The following ATAD2B variants were observed in gnomAD, a reference collection of about 807,000 sequenced individuals.
ATAD2B encodes ATPase family AAA domain-containing protein 2B.
A neutral mutation model predicts 167.6 loss-of-function variants in ATAD2B; 40 were observed. That is an observed-to-expected ratio of 0.24 (90% CI 0.19 to 0.31). The LOEUF is 0.31. ATAD2B is among the 10% of genes least tolerant of loss of function. The pLI is 1.00. For synonymous variants in ATAD2B, 579 were observed against 596.5 expected (o/e 0.97, Z 0.43); for missense variants, 1,242 against 1,757.2 (o/e 0.71, Z 5.24).
chr2:23,698,024 T>C, the ATAD2B span: 13 of 152,334 alleles, frequency 8.5e-5, no homozygotes, highest in African/African-American at 2.9e-4. Context: ...TGTTGATAAA[T>C]ATAGGGATTT....
At chr2:23,882,517 A>AG (rs1479908530) in intron 6 of ATAD2B, among the ~76,000 whole-genome samples, 2 of 150,920 alleles carry the variant, frequency 1.3e-5, no homozygotes, top group Non-Finnish European at 3.0e-5. Context: ...AAAAAAAAAA[A>AG]AAAAAAAAAG....
At chr2:23,680,086 T>C in the ATAD2B span, among the ~76,000 whole-genome samples, 2 of 151,904 alleles carry the variant, frequency 1.3e-5, no homozygotes, top group African/African-American at 4.8e-5. The surrounding 1 kb of genome is among the most constrained non-coding windows in gnomAD (Gnocchi z 4.1). Context: ...AGTGTGGAGG[T>C]GGCCTGGAGG....
intron 1 of ATAD2B, among the ~76,000 whole-genome samples, chr2:23,923,286 C>G (rs77048033): frequency 0.011 from 1,653 of 152,242 alleles, 12 homozygotes; most frequent in South Asian, 0.018. Context: ...CACTTATCTG[C>G]TAGTTTAGTG....
chr2:23,864,740 C>T (rs2150049766), intron 11 of ATAD2B, 69 bp downstream of exon 11: 1 of 650,500 alleles, frequency 1.5e-6, no homozygotes. Flanking sequence ...ATATTTATAG[C>T]AATTTACTCA....
intron 22 of ATAD2B, among the ~76,000 whole-genome samples, chr2:23,781,748 T>TC (rs1198743194): frequency 1.3e-5 from 2 of 151,914 alleles, no homozygotes; most frequent in Non-Finnish European, 2.9e-5. Context: ...TTTTTTTTTT[T>TC]CTTGTCTTTC....
intron 8 of ATAD2B, among the ~76,000 whole-genome samples, chr2:23,871,655 C>T (rs1695991920): frequency 6.6e-6 from 1 of 152,164 alleles, no homozygotes; most frequent in South Asian, 2.1e-4. Flanking sequence ...AAGCTGCAAT[C>T]ATTGTCAGTA....
At chr2:23,898,412 C>T (rs114118653) in intron 1 of ATAD2B, among the ~76,000 whole-genome samples, 5,893 of 152,304 alleles carry the variant, frequency 0.039, 110 homozygotes, top group South Asian at 0.046. Context: ...AACAAATTGC[C>T]AATTAGAAAA....
chr2:23,797,093 G>A (rs1174997024), intron 19 of ATAD2B, among the ~76,000 whole-genome samples: 3 of 151,984 alleles, frequency 2.0e-5, no homozygotes, highest in Admixed American at 1.3e-4. Context: ...ATTTTAGCAA[G>A]ATAACTAATG....
At chr2:23,925,624 T>A (rs1704639119) in intron 1 of ATAD2B, among the ~76,000 whole-genome samples, 1 of 152,172 alleles carries the variant, frequency 6.6e-6, no homozygotes, top group African/African-American at 2.4e-5. Flanking sequence ...AAAACAAACG[T>A]GTCAATTCCT....
the ATAD2B span, chr2:23,695,812 C>T: frequency 6.5e-7 from 1 of 1,549,104 alleles, no homozygotes; most frequent in Admixed American, 2.0e-5. The surrounding 1 kb of genome is among the most constrained non-coding windows in gnomAD (Gnocchi z 7.6). Context: ...CCGGCCGCGC[C>T]TCTCTGCAGG....
chr2:23,701,845 G>T, the ATAD2B span, among the ~76,000 whole-genome samples: 3 of 137,670 alleles, frequency 2.2e-5, no homozygotes, highest in African/African-American at 8.2e-5. Context: ...TCGTTGCCCA[G>T]GCTGGAGTGC....
intron 13 of ATAD2B, among the ~76,000 whole-genome samples, chr2:23,849,464 A>C (rs1692216991): frequency 6.6e-6 from 1 of 152,246 alleles, no homozygotes; most frequent in African/African-American, 2.4e-5. Context: ...TAAAGGGACA[A>C]AGAATTCATT....
intron 24 of ATAD2B, among the ~76,000 whole-genome samples, chr2:23,761,152 C>G (rs1231951173): frequency 1.3e-5 from 2 of 152,198 alleles, no homozygotes; most frequent in East Asian, 3.8e-4. Flanking sequence ...AAGTCATGAT[C>G]TGAAATACAA....
At position 23,926,976 on chromosome 2, in the gene ATAD2B, G is replaced by C. The variant is rs1335250494; in HGVS notation, c.-206C>G. On this transcript the variant is annotated 5_prime_UTR_variant, in exon 1 of 28. Coordinates refer to ENST00000238789, the MANE Select transcript of ATAD2B (RefSeq NM_017552.4). ...AGCAGGCGGCGTGCGGGAAGCGGGG[G>C]CGGTGCTGCAGACCGGCAGCACAGA... 5.1e-6 allele frequency: 3 copies of C among 591,266 alleles called. No homozygotes were observed. The African/African-American group carries it at 6.0e-5, about 12-fold the overall frequency. The allele number at this position is 591,266 out of a possible 1,614,324, so 36.6% of individuals were successfully genotyped here.
chr2:23,815,020 C>T (rs1020460161), intron 17 of ATAD2B, among the ~76,000 whole-genome samples: 2 of 148,140 alleles, frequency 1.4e-5, no homozygotes, highest in Admixed American at 6.8e-5. Context: ...CACACCATTG[C>T]ACTCCAGCCT....
At chr2:23,772,520 G>A (rs1337339907) in intron 22 of ATAD2B, among the ~76,000 whole-genome samples, 2 of 151,994 alleles carry the variant, frequency 1.3e-5, no homozygotes, top group Non-Finnish European at 2.9e-5. Flanking sequence ...TAAATCTAAA[G>A]GTATGGATCT....
At chr2:23,894,593 A>G (rs191751032) in intron 2 of ATAD2B, among the ~76,000 whole-genome samples, 75 of 152,314 alleles carry the variant, frequency 4.9e-4, no homozygotes, top group Middle Eastern at 6.8e-3. Flanking sequence ...ATCATCTTAA[A>G]AGCCCAATTT....
chr2:23,691,736 A>G, the ATAD2B span: 1 of 1,551,828 alleles, frequency 6.4e-7, no homozygotes, highest in Non-Finnish European at 8.7e-7. Context: ...TCGAACCTGC[A>G]GGCAGACGTC....
intron 23 of ATAD2B, among the ~76,000 whole-genome samples, chr2:23,763,798 C>T (rs1347852577): frequency 6.6e-6 from 1 of 152,106 alleles, no homozygotes; most frequent in Non-Finnish European, 1.5e-5. Flanking sequence ...TGCCATGTTG[C>T]CCAGGCTGGT....
Sources: allele counts gnomAD v4.1 joint callset (sites outside exome capture counted in the v4.1 genomes callset), GRCh38; gene constraint gnomAD v4.1.1; non-coding constraint Gnocchi (gnomAD v3.1); transcripts MANE v1.5; gene names NCBI Gene and HGNC (gene_info 2026-07-23, HGNC 2026-07-21).